Variants in ESRP1 observed in about 807,000 individuals in gnomAD.
ESRP1 encodes the protein RNA-binding motif protein 35A.
A neutral mutation model predicts 81.7 loss-of-function variants in ESRP1; 33 were observed. The observed-to-expected ratio is 0.40, with a 90% CI of 0.31 to 0.54. The LOEUF (loss-of-function observed/expected upper bound fraction) is 0.54. Among genes scored for constraint, ESRP1 ranks in the 20% least tolerant of loss-of-function variants. The pLI is 0.41. For missense variants in ESRP1, 672 were observed against 833.1 expected, an observed-to-expected ratio of 0.81 and a Z score of 2.38; for synonymous variants, 320 against 303.3, an observed-to-expected ratio of 1.06 and a Z score of -0.57.
intron 4 of ESRP1, among the ~76,000 whole-genome samples, chr8:94,652,731 T>G (rs1361656861): frequency 6.6e-6 from 1 of 152,192 alleles, no homozygotes; most frequent in Admixed American, 6.5e-5. Flanking sequence ...AAGCATTTAT[T>G]AAGATCTTAT....
intron 11 of ESRP1, among the ~76,000 whole-genome samples, chr8:94,672,170 T>A (rs1819362839): frequency 6.6e-6 from 1 of 152,242 alleles, no homozygotes. Flanking sequence ...CAGAATATTT[T>A]GTATCCATAG....
chr8:94,658,809 G>T (rs1232606336), intron 4 of ESRP1, among the ~76,000 whole-genome samples: 2 of 152,184 alleles, frequency 1.3e-5, no homozygotes, highest in African/African-American at 2.4e-5. Context: ...GGGCTAGAAA[G>T]TCAATGTTAG....
In ESRP1 at chr8:94,684,643, A is replaced by G. The variant is rs143982710; in HGVS notation, c.1820+6272A>G. ...TTAGATTTTTCTGCAGGGTTTCTCA[A>G]AAATGTGAAACAATATGTAGTCACT... is the stretch of plus-strand genomic sequence containing the variant. On this transcript the variant is annotated intron_variant, in intron 13 of 15. Transcript: ENST00000433389. Among the ~76,000 whole-genome samples the G allele has an allele frequency of 6.2e-3, 950 of 152,300 alleles. 10 individuals carry two copies. The highest frequency in any genetic ancestry group is 0.021 in the African/African-American group (888 of 41,558).
At chr8:94,652,272 G>A (rs1818181569) in intron 4 of ESRP1, among the ~76,000 whole-genome samples, 1 of 152,124 alleles carries the variant, frequency 6.6e-6, no homozygotes, top group Non-Finnish European at 1.5e-5. Context: ...ACAGGCGTGA[G>A]CCACTGCGCC....
intron 12 of ESRP1, among the ~76,000 whole-genome samples, chr8:94,677,354 CTT>C (rs1372775821): frequency 6.6e-6 from 1 of 152,176 alleles, no homozygotes; most frequent in Non-Finnish European, 1.5e-5. Flanking sequence ...CAACTTAACT[CTT>C]CTATTGGGTA....
chr8:94,650,872 A>T (rs1818090037), intron 4 of ESRP1, among the ~76,000 whole-genome samples: 1 of 151,896 alleles, frequency 6.6e-6, no homozygotes, highest in East Asian at 1.9e-4. Context: ...CCCATGGCTA[A>T]TTTTTTGTAT....
intron 14 of ESRP1, among the ~76,000 whole-genome samples, chr8:94,695,901 A>G (rs928987232): frequency 2.1e-4 from 32 of 152,074 alleles, no homozygotes; most frequent in Admixed American, 6.5e-5. Flanking sequence ...TGTCTGTACT[A>G]AAAATACAAA....
At chr8:94,699,823 T>C (rs1453348884) in intron 15 of ESRP1, among the ~76,000 whole-genome samples, 5 of 152,142 alleles carry the variant, frequency 3.3e-5, no homozygotes, top group African/African-American at 1.2e-4. Context: ...ACAAGCATAA[T>C]AAATACTTCC....
chr8:94,650,096 T>G (rs1439245362), intron 4 of ESRP1, among the ~76,000 whole-genome samples: 5 of 152,192 alleles, frequency 3.3e-5, no homozygotes, highest in Non-Finnish European at 7.3e-5. Context: ...CTGATGAGCC[T>G]ACATTGACAT....
At chr8:94,680,441 T>C (rs537260213) in intron 13 of ESRP1, among the ~76,000 whole-genome samples, 1 of 152,294 alleles carries the variant, frequency 6.6e-6, no homozygotes, top group East Asian at 1.9e-4. Flanking sequence ...ATTTCTTTTT[T>C]TTTGAGTCGG....
intron 13 of ESRP1, chr8:94,688,238 T>C (rs201345315): frequency 3.7e-5 from 2 of 53,940 alleles, no homozygotes; most frequent in Admixed American, 3.7e-4. Context: ...ATGGTGCACA[T>C]TGAATGTCCT....
chr8:94,665,693 A>G (rs1368668647), intron 9 of ESRP1, among the ~76,000 whole-genome samples: 1 of 152,102 alleles, frequency 6.6e-6, no homozygotes, highest in African/African-American at 2.4e-5. Context: ...GGGTTTCACC[A>G]TGTTGGCCAA....
At chr8:94,702,734 C>A (rs567535014) in intron 15 of ESRP1, among the ~76,000 whole-genome samples, 1 of 152,112 alleles carries the variant, frequency 6.6e-6, no homozygotes, top group East Asian at 1.9e-4. Flanking sequence ...CCGCCTGCCT[C>A]GGCCTCCCAA....
chr8:94,665,754 A>T (rs569821365), intron 9 of ESRP1, among the ~76,000 whole-genome samples: 4 of 152,196 alleles, frequency 2.6e-5, no homozygotes, highest in African/African-American at 9.7e-5. Context: ...TCAGCCTCCC[A>T]AAGTGCTGGG....
At chr8:94,704,420 C>G (rs1032262619) in intron 15 of ESRP1, among the ~76,000 whole-genome samples, 55 of 151,912 alleles carry the variant, frequency 3.6e-4, no homozygotes, top group African/African-American at 1.3e-3. Flanking sequence ...TTGAGACTAG[C>G]CTGGACGACA....
chr8:94,662,753 T>G (rs887868530), intron 6 of ESRP1, among the ~76,000 whole-genome samples, 198 bp downstream of exon 6: 9 of 151,862 alleles, frequency 5.9e-5, no homozygotes, highest in African/African-American at 1.7e-4. Flanking sequence ...GACTACAGGC[T>G]CCCGCTACCA....
intron 15 of ESRP1, among the ~76,000 whole-genome samples, chr8:94,702,325 G>T (rs557729527): frequency 2.0e-5 from 3 of 152,086 alleles, no homozygotes; most frequent in African/African-American, 7.2e-5. Context: ...CATAGGATCT[G>T]TTCTAAAGAG....
At chr8:94,664,141 T>TTG (rs138058879) in intron 6 of ESRP1, among the ~76,000 whole-genome samples, 10 of 124,590 alleles carry the variant, frequency 8.0e-5, no homozygotes, top group African/African-American at 1.1e-4. Flanking sequence ...TTTTTTTTTT[T>TTG]GAGAGGGAGT....
chr8:94,705,156 C>CTTTTTTTTTTTTTTTTTTTTTTTT, intron 15 of ESRP1, among the ~76,000 whole-genome samples: 1 of 90,536 alleles, frequency 1.1e-5, no homozygotes, highest in African/African-American at 4.4e-5. Context: ...TGCCTTATTG[C>CTTTTTTTTTTTTTTTTTTTTTTTT]TTTTTTTTTT....
Sources: allele counts gnomAD v4.1 joint callset (sites outside exome capture counted in the v4.1 genomes callset), GRCh38; gene constraint gnomAD v4.1.1; transcripts MANE v1.5; gene names NCBI Gene and HGNC (gene_info 2026-07-23, HGNC 2026-07-21).